Variants in KCNT1 observed in about 807,000 individuals in gnomAD.
KCNT1 encodes potassium sodium-activated channel subfamily T member 1, also known as potassium channel subfamily T member 1.
KCNT1 carries 78 observed loss-of-function variants against 147.8 expected under a neutral mutation model. The observed-to-expected ratio is 0.53, with a 90% CI of 0.44 to 0.64. The LOEUF (loss-of-function observed/expected upper bound fraction) is 0.64, where lower values mean the gene tolerates loss of function less well. KCNT1 is among the 30% of genes least tolerant of loss of function. The probability of loss-of-function intolerance (pLI) is 0.00; values close to 1 mark genes in which losing one functional copy is unlikely to be tolerated. For missense variants in KCNT1, 1,419 were observed against 1,750.3 expected, an observed-to-expected ratio of 0.81 and a Z score of 3.38; for synonymous variants, 867 against 748.8, an observed-to-expected ratio of 1.16 and a Z score of -2.58.
intron 15 of KCNT1, 62 bp downstream of exon 15, chr9:135,768,999 G>T: frequency 7.7e-7 from 1 of 1,290,640 alleles, no homozygotes; most frequent in Non-Finnish European, 1.1e-6. Context: ...GCACACGTGG[G>T]TGATGGTGCA....
chr9:135,785,189 A>G, intron 27 of KCNT1, 121 bp from the exon 28 acceptor site: 1 of 1,434,290 alleles, frequency 7.0e-7, no homozygotes, highest in Non-Finnish European at 9.6e-7. Context: ...GCTGCAGTCC[A>G]CACAGCAGCA....
intron 2 of KCNT1, among the ~76,000 whole-genome samples, chr9:135,728,413 A>AC (rs1212412733): frequency 6.6e-6 from 1 of 152,186 alleles, no homozygotes; most frequent in Non-Finnish European, 1.5e-5. Context: ...CGGCCAAGCC[A>AC]CCCGCAGGCC....
intron 2 of KCNT1, among the ~76,000 whole-genome samples, chr9:135,732,024 A>C (rs57123222): frequency 1.5e-5 from 1 of 65,084 alleles, no homozygotes; most frequent in African/African-American, 5.4e-5. Flanking sequence ...AGAGAGAGAG[A>C]GAGAGAGAGA....
chr9:135,783,307 C>T (rs1171015400), intron 24 of KCNT1, among the ~76,000 whole-genome samples: 6 of 152,170 alleles, frequency 3.9e-5, no homozygotes, highest in Admixed American at 3.9e-4. Flanking sequence ...GAAGAAGCTG[C>T]ACGGCCAGCT....
At chr9:135,769,372 G>C (rs575864894) in intron 15 of KCNT1, among the ~76,000 whole-genome samples, 2 of 152,306 alleles carry the variant, frequency 1.3e-5, no homozygotes, top group East Asian at 3.9e-4. Flanking sequence ...AGCTGTGTGG[G>C]GCAGCGGGAG....
chr9:135,794,585 G>A lies in KCNT1; in HGVS notation c.*2424G>A, dbSNP rs961760056. The A allele has an allele frequency of 6.6e-6, 1 of 152,306 alleles. No individual in the cohort carries two copies. Among genetic ancestry groups the A allele is most frequent in the East Asian group, 1.9e-4 (1 of 5,196 alleles). 9.4% of individuals were successfully genotyped at this position (152,306 alleles called of 1,614,324 possible). ...CCTGGAGCTCATGCGGGCAGCCGTGGACACAGGTGGCACCCAGCGCCCAGC... is the reference window on the plus strand; with the variant it reads ...CCTGGAGCTCATGCGGGCAGCCGTGAACACAGGTGGCACCCAGCGCCCAGC... On this transcript the variant is annotated 3_prime_UTR_variant, in exon 31 of 31. Coordinates refer to ENST00000371757, the MANE Select transcript of KCNT1 (RefSeq NM_020822.3).
intron 2 of KCNT1, among the ~76,000 whole-genome samples, chr9:135,731,697 T>A (rs2131361476): frequency 6.6e-6 from 1 of 152,060 alleles, no homozygotes; most frequent in South Asian, 2.1e-4. Context: ...TTTTTCCCAT[T>A]AGAACTTGAT....
At chr9:135,777,870 A>C (rs1588382489) in intron 21 of KCNT1, among the ~76,000 whole-genome samples, 16 of 99,064 alleles carry the variant, frequency 1.6e-4, no homozygotes, top group South Asian at 6.6e-4. Context: ...GCTCCTCCCC[A>C]CTCCCAGCTT....
At chr9:135,713,599 G>C (rs745578466) in intron 1 of KCNT1, among the ~76,000 whole-genome samples, 8 of 152,218 alleles carry the variant, frequency 5.3e-5, no homozygotes, top group Admixed American at 1.3e-4. Flanking sequence ...AGCACGGGGA[G>C]CTGGGTATGG....
intron 23 of KCNT1, 22 bp downstream of exon 23, chr9:135,778,844 C>G: frequency 6.2e-7 from 1 of 1,612,068 alleles, no homozygotes. Context: ...GTCCGGGGCT[C>G]GGCTCTAAAC....
chr9:135,702,196 A>C lies in KCNT1; in HGVS notation c.-63A>C. 1.7e-6 allele frequency: 2 copies of C among 1,198,792 alleles called. No individual in the cohort carries two copies. The highest frequency in any genetic ancestry group is 2.4e-6 in the Non-Finnish European group (2 of 823,704). 74.3% of individuals were successfully genotyped at this position (1,198,792 alleles called of 1,614,324 possible). ...AAAAAATGTTTTTCAGGGCAACGCG[A>C]GGGAAGAAGGTGGCGGCTCCCACTC... is the stretch of plus-strand genomic sequence containing the variant. On this transcript the variant is annotated 5_prime_UTR_variant, in exon 1 of 31. Coordinates refer to ENST00000371757, the MANE Select transcript of KCNT1 (RefSeq NM_020822.3).
In KCNT1 at chr9:135,784,896, GGGCAGCCTGGGGGCTGGGACTGT is replaced by G. The variant is rs777726660; in HGVS notation, c.3156+15_3156+37del. Reference sequence around the variant, plus strand: ...CGTCTTCTCCACCTCGGAGGTTCTGGGGCAGCCTGGGGGCTGGGACTGTGGCAGCCCCTGTCCTGTGTGACCCA... The same window carrying G: ...CGTCTTCTCCACCTCGGAGGTTCTGGGGCAGCCCCTGTCCTGTGTGACCCA... On this transcript the variant is annotated splice_region_variant and intron_variant, in intron 27 of 30. Transcript: ENST00000371757. 1.1e-5 allele frequency: 17 copies of G among 1,611,234 alleles called. 1 individual carries two copies. The East Asian group carries it at 2.2e-4, about 21-fold the overall frequency.
At chr9:135,766,796 T>C (rs1055397914) in intron 13 of KCNT1, 1 of 152,226 alleles carries the variant, frequency 6.6e-6, no homozygotes. Context: ...TAAGTCTCTG[T>C]CTCCCTTTTC....
In KCNT1 at chr9:135,777,529, A is replaced by T; in HGVS notation, c.2522+19A>T. ...ACAACAAGTGAGGCTCCTGGGGCTC[A>T]GCCCACCCCGCCCACCCGGGCCCTC... On this transcript the variant is annotated intron_variant, in intron 21 of 30. Transcript: ENST00000371757. The T allele has an allele frequency of 6.2e-7, 1 of 1,604,546 alleles. No homozygotes were observed. Among genetic ancestry groups the T allele is most frequent in the Non-Finnish European group, 8.5e-7 (1 of 1,175,592 alleles).
At chr9:135,746,417 A>T (rs965967599) in intron 2 of KCNT1, among the ~76,000 whole-genome samples, 1 of 152,214 alleles carries the variant, frequency 6.6e-6, no homozygotes, top group Non-Finnish European at 1.5e-5. Context: ...AGGGGCCTCA[A>T]AGAGAAGCTG....
chr9:135,733,620 A>T (rs376959689), intron 2 of KCNT1, among the ~76,000 whole-genome samples: 2 of 109,992 alleles, frequency 1.8e-5, no homozygotes, highest in African/African-American at 7.2e-5. Context: ...ACCTGCCCTC[A>T]CATCTGTAAA....
At chr9:135,708,718 T>C (rs1835355624) in intron 1 of KCNT1, among the ~76,000 whole-genome samples, 1 of 152,198 alleles carries the variant, frequency 6.6e-6, no homozygotes, top group Non-Finnish European at 1.5e-5. Context: ...TAACTTTTGT[T>C]ATTTTTTGTA....
intron 20 of KCNT1, 45 bp from the exon 21 acceptor site, chr9:135,777,293 A>G: frequency 6.3e-7 from 1 of 1,584,480 alleles, no homozygotes; most frequent in Non-Finnish European, 8.6e-7. Flanking sequence ...GGCCAGCAGG[A>G]ACCACAGCCC....
At chr9:135,781,011 C>T (rs890994066) in intron 24 of KCNT1, among the ~76,000 whole-genome samples, 1 of 152,232 alleles carries the variant, frequency 6.6e-6, no homozygotes, top group Non-Finnish European at 1.5e-5. Context: ...ACGCTCCTGC[C>T]CGCCTTCCCG....
Sources: gnomAD v4.1 joint callset for allele counts (sites outside exome capture counted in the v4.1 genomes callset) on GRCh38, gnomAD v4.1.1 for gene constraint, MANE v1.5 for transcripts, NCBI Gene and HGNC (gene_info 2026-07-23, HGNC 2026-07-21) for gene names.